The following TMEFF2 variants were observed in gnomAD, a reference collection of about 807,000 sequenced individuals.
TMEFF2 encodes the protein tomoregulin-2.
Under a neutral mutation model 53.8 loss-of-function variants are expected in TMEFF2, and 28 were observed. The observed-to-expected ratio is 0.52, with a 90% CI of 0.39 to 0.71. TMEFF2 has a LOEUF of 0.71. TMEFF2 is among the 30% of genes least tolerant of loss of function. The pLI, the probability that TMEFF2 is intolerant of heterozygous loss-of-function variation, is 0.00. For synonymous variants in TMEFF2, 162 were observed against 166.3 expected (o/e 0.97, Z 0.20); for missense variants, 353 against 455.2 (o/e 0.78, Z 2.04).
At chr2:192,039,832 T>A (rs754028855) in intron 5 of TMEFF2, among the ~76,000 whole-genome samples, 2 of 152,142 alleles carry the variant, frequency 1.3e-5, no homozygotes, top group Non-Finnish European at 2.9e-5. Context: ...TGCTTCCTAA[T>A]CTCTGGCTGA....
intron 4 of TMEFF2, among the ~76,000 whole-genome samples, chr2:192,133,134 A>G (rs1689899448): frequency 1.3e-5 from 2 of 151,538 alleles, no homozygotes; most frequent in African/African-American, 4.9e-5. Context: ...TCTTTTAAGC[A>G]CTCCTTTTTA....
chr2:192,034,132 G>A (rs1396241624), intron 5 of TMEFF2, among the ~76,000 whole-genome samples: 1 of 140,704 alleles, frequency 7.1e-6, no homozygotes, highest in Non-Finnish European at 1.5e-5. Context: ...CCGAGATCGT[G>A]CCACTGCACT....
At chr2:192,167,845 G>A (rs1281758871) in intron 4 of TMEFF2, among the ~76,000 whole-genome samples, 1 of 152,116 alleles carries the variant, frequency 6.6e-6, no homozygotes, top group East Asian at 1.9e-4. Context: ...GTCATAGTTA[G>A]CAATTACTGG....
At chr2:192,029,172 A>C in intron 5 of TMEFF2, 1 of 151,422 alleles carries the variant, frequency 6.6e-6, no homozygotes, top group Admixed American at 6.6e-5. Context: ...GGGTTGGGGG[A>C]AGGGAGGGAA....
At chr2:191,976,659 A>G (rs1685736557) in intron 7 of TMEFF2, among the ~76,000 whole-genome samples, 1 of 152,212 alleles carries the variant, frequency 6.6e-6, no homozygotes, top group South Asian at 2.1e-4. Context: ...ATCTAGAAAG[A>G]AAGAGTCTGA....
At chr2:192,059,547 T>G (rs1331570645) in intron 4 of TMEFF2, among the ~76,000 whole-genome samples, 2 of 152,126 alleles carry the variant, frequency 1.3e-5, no homozygotes, top group Non-Finnish European at 2.9e-5. Flanking sequence ...AGACTAAAGC[T>G]TCCCATTACT....
intron 4 of TMEFF2, chr2:192,177,665 C>G (rs1322638576): frequency 6.6e-6 from 1 of 150,534 alleles, no homozygotes; most frequent in Non-Finnish European, 1.5e-5. Flanking sequence ...TGAAGCACCT[C>G]TAACTGAAAG....
intron 4 of TMEFF2, among the ~76,000 whole-genome samples, chr2:192,117,710 G>A (rs1018655671): frequency 6.6e-6 from 1 of 151,774 alleles, no homozygotes; most frequent in Non-Finnish European, 1.5e-5. Flanking sequence ...CCTCTGATTG[G>A]TTTCTATCTC....
chr2:192,071,636 T>C lies in TMEFF2; in HGVS notation c.440-13861A>G, dbSNP rs539609404. On this transcript the variant is annotated intron_variant, in intron 4 of 9. Coordinates refer to ENST00000272771, the MANE Select transcript of TMEFF2 (RefSeq NM_016192.4). ...TCCACAAATGCTCTATTCCTTAATA[T>C]AAAATTGTGTAGTAATTGCATATAA... is the stretch of plus-strand genomic sequence containing the variant. Among the ~76,000 whole-genome samples the C allele has an allele frequency of 7.9e-5, 12 of 151,992 alleles. No homozygotes were observed. In the South Asian group the frequency reaches 1.9e-3, roughly 24 times the overall value.
At chr2:192,019,372 C>G (rs1335428907) in intron 5 of TMEFF2, among the ~76,000 whole-genome samples, 1 of 151,632 alleles carries the variant, frequency 6.6e-6, no homozygotes, top group African/African-American at 2.4e-5. Context: ...CTCACAGTGC[C>G]CTCAAACATA....
intron 5 of TMEFF2, among the ~76,000 whole-genome samples, chr2:192,045,357 C>T (rs1687590521): frequency 6.6e-6 from 1 of 152,064 alleles, no homozygotes; most frequent in Non-Finnish European, 1.5e-5. Flanking sequence ...GGTAGATGGT[C>T]AAGGACTTGA....
chr2:192,090,172 G>T (rs1331473837), intron 4 of TMEFF2, among the ~76,000 whole-genome samples: 1 of 152,110 alleles, frequency 6.6e-6, no homozygotes, highest in Non-Finnish European at 1.5e-5. Flanking sequence ...TCAGATTGGG[G>T]TCATAGTTTA....
chr2:192,019,658 T>C (rs1381156423), intron 5 of TMEFF2, among the ~76,000 whole-genome samples: 1 of 151,736 alleles, frequency 6.6e-6, no homozygotes, highest in Non-Finnish European at 1.5e-5. Flanking sequence ...TTTTTCAGGG[T>C]CCTTGTATTT....
intron 7 of TMEFF2, among the ~76,000 whole-genome samples, chr2:191,988,701 T>C (rs1686034852): frequency 6.6e-6 from 1 of 152,184 alleles, no homozygotes; most frequent in South Asian, 2.1e-4. Context: ...GTAAATGAAA[T>C]TTTTAAAGAC....
intron 5 of TMEFF2, among the ~76,000 whole-genome samples, chr2:192,027,021 T>C (rs1222987467): frequency 6.6e-6 from 1 of 152,228 alleles, no homozygotes; most frequent in Non-Finnish European, 1.5e-5. Context: ...CTGTCCCTTG[T>C]ATCATTAATT....
intron 5 of TMEFF2, among the ~76,000 whole-genome samples, chr2:192,050,550 T>C (rs1314180394): frequency 1.3e-5 from 2 of 152,176 alleles, no homozygotes; most frequent in African/African-American, 4.8e-5. Flanking sequence ...ATATTAGAAG[T>C]GTCATTGTTA....
At chr2:191,989,927 T>C (rs557172491) in intron 7 of TMEFF2, among the ~76,000 whole-genome samples, 29 of 152,304 alleles carry the variant, frequency 1.9e-4, no homozygotes, top group African/African-American at 6.0e-4. Context: ...TAGATTTTTC[T>C]GAGAATACCA....
chr2:192,110,991 GC>G (rs1689262606), intron 4 of TMEFF2, among the ~76,000 whole-genome samples: 2 of 152,128 alleles, frequency 1.3e-5, no homozygotes, highest in Admixed American at 1.3e-4. Flanking sequence ...CATGCCTTTT[GC>G]CATGATTGTG....
chr2:192,135,166 A>G (rs921940327), intron 4 of TMEFF2, among the ~76,000 whole-genome samples: 1 of 152,164 alleles, frequency 6.6e-6, no homozygotes, highest in African/African-American at 2.4e-5. Flanking sequence ...GTTCTCAACT[A>G]TTCATATATG....
Sources: allele counts gnomAD v4.1 joint callset (sites outside exome capture counted in the v4.1 genomes callset), GRCh38; gene constraint gnomAD v4.1.1; transcripts MANE v1.5; gene names NCBI Gene and HGNC (gene_info 2026-07-23, HGNC 2026-07-21).